LRRC4C: variants seen among roughly 807,000 people sequenced by gnomAD.
The protein encoded by LRRC4C is leucine-rich repeat-containing protein 4C.
A neutral mutation model predicts 33.6 loss-of-function variants in LRRC4C; 5 were observed. That is an observed-to-expected ratio of 0.15 (90% CI 0.08 to 0.31). The LOEUF (loss-of-function observed/expected upper bound fraction) is 0.31. Ranked by LOEUF, LRRC4C falls within the 10% of genes least tolerant of loss-of-function variation. The pLI is 1.00. For missense variants in LRRC4C, 560 were observed against 796.7 expected, an observed-to-expected ratio of 0.70 and a Z score of 3.58; for synonymous variants, 329 against 302.0, an observed-to-expected ratio of 1.09 and a Z score of -0.93.
At position 40,215,708 on chromosome 11, in the gene LRRC4C, G is replaced by A. The variant is rs79797607; in HGVS notation, c.-96+25811C>T. ...GAAAGAAATAAAAGACATGCCCTTG[G>A]TCTTGACTGCATAAATATGAGAGGG... is the stretch of plus-strand genomic sequence containing the variant. On this transcript the variant is annotated intron_variant, in intron 5 of 6. Coordinates refer to ENST00000528697, the MANE Select transcript of LRRC4C (RefSeq NM_001258419.2). 8.6e-4 allele frequency among the ~76,000 whole-genome samples: 131 copies of A among 152,300 alleles called. 3 individuals are homozygous for A. The East Asian group carries it at 0.023, about 26-fold the overall frequency.
chr11:40,240,030 G>C (rs1374294615), intron 5 of LRRC4C, among the ~76,000 whole-genome samples: 1 of 152,090 alleles, frequency 6.6e-6, no homozygotes, highest in East Asian at 1.9e-4. Context: ...ATCTCCAAGT[G>C]ACTCATACAT....
Position 40,580,624 on chromosome 11 carries a change from C to T in LRRC4C, c.-270+67518G>A, listed in dbSNP as rs118130367. ...TGCTAATCCTCTTCATAGAATAACTCGGTGGTATGTTTTATGTTCACAGTG... is the reference window on the plus strand; with the variant it reads ...TGCTAATCCTCTTCATAGAATAACTTGGTGGTATGTTTTATGTTCACAGTG... On this transcript the variant is annotated intron_variant, in intron 3 of 6. Coordinates refer to ENST00000528697, the MANE Select transcript of LRRC4C (RefSeq NM_001258419.2). Among the ~76,000 whole-genome samples, 334 of 152,092 alleles carry T rather than the reference C, an allele frequency of 2.2e-3. 2 individuals carry two copies. The highest frequency in any genetic ancestry group is 3.7e-3 in the Non-Finnish European group (254 of 67,998).
At chr11:40,890,412 T>A (rs1171464169) in intron 2 of LRRC4C, among the ~76,000 whole-genome samples, 1 of 152,126 alleles carries the variant, frequency 6.6e-6, no homozygotes, top group Non-Finnish European at 1.5e-5. Context: ...ATAAACTCAC[T>A]GCCTCAGTAA....
intron 2 of LRRC4C, among the ~76,000 whole-genome samples, chr11:40,781,326 C>T (rs1267737141): frequency 6.6e-6 from 1 of 152,008 alleles, no homozygotes; most frequent in Non-Finnish European, 1.5e-5. Context: ...TACACACACA[C>T]ACATATATTT....
chr11:40,116,928 G>C lies in LRRC4C; in HGVS notation c.-42-594C>G, dbSNP rs1388806471. Among the ~76,000 whole-genome samples, 3 of 152,304 alleles carry C rather than the reference G, an allele frequency of 2.0e-5. No individual in the cohort carries two copies. In the East Asian group the frequency reaches 5.8e-4, roughly 29 times the overall value. On this transcript the variant is annotated intron_variant, in intron 6 of 6. Coordinates refer to ENST00000528697, the MANE Select transcript of LRRC4C (RefSeq NM_001258419.2). ...CAGTAACAAAAGACCACTAAACCAA[G>C]TGTGGGCCCATATAAATGTGGGTTT...
intron 1 of LRRC4C, among the ~76,000 whole-genome samples, chr11:41,428,593 G>A (rs188262333): frequency 2.0e-5 from 3 of 152,230 alleles, no homozygotes; most frequent in Non-Finnish European, 4.4e-5. Context: ...GTCACAGAAA[G>A]GTTTGAGTGG....
At chr11:41,061,171 A>G (rs545575704) in intron 1 of LRRC4C, among the ~76,000 whole-genome samples, 2 of 152,212 alleles carry the variant, frequency 1.3e-5, no homozygotes, top group African/African-American at 4.8e-5. Context: ...TTTTATTTCA[A>G]TGGTCTATTC....
At chr11:41,104,825 T>C (rs1475839860) in intron 1 of LRRC4C, among the ~76,000 whole-genome samples, 1 of 151,898 alleles carries the variant, frequency 6.6e-6, no homozygotes, top group African/African-American at 2.4e-5. Context: ...CTCAAAAACA[T>C]GCTATGTGTA....
At chr11:40,680,113 A>G (rs1347512154) in intron 2 of LRRC4C, among the ~76,000 whole-genome samples, 1 of 152,190 alleles carries the variant, frequency 6.6e-6, no homozygotes, top group Admixed American at 6.5e-5. Flanking sequence ...TTACAGCTTT[A>G]AGATTTGACT....
intron 3 of LRRC4C, among the ~76,000 whole-genome samples, chr11:40,414,587 A>T (rs1950259321): frequency 1.3e-5 from 2 of 152,150 alleles, no homozygotes; most frequent in Admixed American, 1.3e-4. Context: ...AAAAGAAAGT[A>T]AATAGCAGTG....
Position 40,431,843 on chromosome 11 carries a change from A to C in LRRC4C, c.-269-112122T>G, listed in dbSNP as rs368559665. Among the ~76,000 whole-genome samples the C allele has an allele frequency of 5.9e-5, 9 of 152,316 alleles. No individual in the cohort carries two copies. In the East Asian group the frequency reaches 1.7e-3, roughly 29 times the overall value. Reference sequence around the variant, plus strand: ...TGTAGAGTTGGGTCTACTACGCAGGACTTTCCTATTCCAGGGACTGAGCCC... The same window carrying C: ...TGTAGAGTTGGGTCTACTACGCAGGCCTTTCCTATTCCAGGGACTGAGCCC... On this transcript the variant is annotated intron_variant, in intron 3 of 6. Transcript: ENST00000528697.
In LRRC4C at chr11:40,796,497, A is replaced by G. The variant is rs530751486; in HGVS notation, c.-407+137138T>C. On this transcript the variant is annotated intron_variant, in intron 2 of 6. Coordinates refer to ENST00000528697, the MANE Select transcript of LRRC4C (RefSeq NM_001258419.2). ...ATAGAGTATTTGCTTGATGGCATTA[A>G]TAAGTCAGGCATGTACAACAGCAAG... Among the ~76,000 whole-genome samples, 7 of 152,290 alleles carry G rather than the reference A, an allele frequency of 4.6e-5. No homozygotes were observed. In the South Asian group the frequency reaches 1.2e-3, roughly 27 times the overall value.
At chr11:40,891,991 C>A (rs368353802) in intron 2 of LRRC4C, among the ~76,000 whole-genome samples, 1 of 151,634 alleles carries the variant, frequency 6.6e-6, no homozygotes, top group East Asian at 2.0e-4. Flanking sequence ...AAAAATTAGC[C>A]GGGCGTGGTG....
At chr11:41,264,076 A>G (rs1949068964) in intron 1 of LRRC4C, among the ~76,000 whole-genome samples, 1 of 142,892 alleles carries the variant, frequency 7.0e-6, no homozygotes, top group Admixed American at 7.6e-5. Context: ...TCAGATACAT[A>G]CAAATTTCCT....
At chr11:40,911,725 G>T (rs1037218449) in intron 2 of LRRC4C, among the ~76,000 whole-genome samples, 1 of 152,164 alleles carries the variant, frequency 6.6e-6, no homozygotes, top group Non-Finnish European at 1.5e-5. Flanking sequence ...AGAGAAGAAG[G>T]CTTCAGACGA....
At chr11:40,610,695 C>CCG (rs1565557329) in intron 3 of LRRC4C, among the ~76,000 whole-genome samples, 1 of 151,798 alleles carries the variant, frequency 6.6e-6, no homozygotes, top group African/African-American at 2.4e-5. Context: ...ACAAGCTCAA[C>CCG]ATATAAAAAT....
At chr11:40,131,624 C>T (rs371346066) in intron 6 of LRRC4C, among the ~76,000 whole-genome samples, 7 of 152,090 alleles carry the variant, frequency 4.6e-5, no homozygotes, top group African/African-American at 1.4e-4. Context: ...AGTACCCTTC[C>T]GTGAAACTGC....
At chr11:40,966,256 C>CTA (rs1851358315) in intron 1 of LRRC4C, among the ~76,000 whole-genome samples, 1 of 151,908 alleles carries the variant, frequency 6.6e-6, no homozygotes, top group Non-Finnish European at 1.5e-5. Flanking sequence ...TTTACATTTG[C>CTA]ATCTTTACAT....
At chr11:40,835,072 T>C (rs1456167175) in intron 2 of LRRC4C, among the ~76,000 whole-genome samples, 1 of 152,158 alleles carries the variant, frequency 6.6e-6, no homozygotes, top group African/African-American at 2.4e-5. Flanking sequence ...TGTAGGACTA[T>C]AGTTTTCAGT....
Sources: gnomAD v4.1 joint callset for allele counts (sites outside exome capture counted in the v4.1 genomes callset) on GRCh38, gnomAD v4.1.1 for gene constraint, MANE v1.5 for transcripts, NCBI Gene and HGNC (gene_info 2026-07-23, HGNC 2026-07-21) for gene names.